The following NHSL1 variants were observed in gnomAD, a reference collection of about 807,000 sequenced individuals.
NHSL1 encodes the protein NHS-like protein 1.
A neutral mutation model predicts 95.0 loss-of-function variants in NHSL1; 48 were observed. The observed-to-expected ratio is 0.51, with a 90% CI of 0.40 to 0.64. NHSL1 has a LOEUF of 0.64. Ranked by LOEUF, NHSL1 falls within the 30% of genes least tolerant of loss-of-function variation. The probability of loss-of-function intolerance (pLI) is 0.00; values close to 1 mark genes in which losing one functional copy is unlikely to be tolerated. For synonymous variants in NHSL1, 783 were observed against 833.9 expected (o/e 0.94, Z 1.05); for missense variants, 1,971 against 2,077.7 (o/e 0.95, Z 1.00).
intron 3 of NHSL1, chr6:138,464,178 T>G: frequency 1.5e-6 from 1 of 685,240 alleles, no homozygotes; most frequent in East Asian, 3.1e-5. Context: ...CAGTTATACC[T>G]GGGCACCAGG....
chr6:138,538,769 A>G (rs1397861808), intron 1 of NHSL1, among the ~76,000 whole-genome samples: 1 of 152,232 alleles, frequency 6.6e-6, no homozygotes, highest in African/African-American at 2.4e-5. Flanking sequence ...AAGTACAAAC[A>G]TATGTTATCA....
At chr6:138,464,699 C>CT (rs146434894) in intron 3 of NHSL1, among the ~76,000 whole-genome samples, 10 of 137,290 alleles carry the variant, frequency 7.3e-5, no homozygotes, top group Admixed American at 1.5e-4. Context: ...TTTCTCTTCA[C>CT]TTTTTTTTTT....
chr6:138,591,264 T>C (rs1257197098), intron 1 of NHSL1, among the ~76,000 whole-genome samples: 1 of 152,212 alleles, frequency 6.6e-6, no homozygotes, highest in Non-Finnish European at 1.5e-5. Flanking sequence ...AGGGATAAAA[T>C]TATGAAAGTT....
Position 138,630,249 on chromosome 6 carries a change from C to T in NHSL1, c.96+62227G>A, listed in dbSNP as rs552458692. ...AAAAAAAAAAATCACACTGTGAAGC[C>T]TTGTAAACTACATACGTTGATTATT... On this transcript the variant is annotated intron_variant, in intron 1 of 3. Transcript: ENST00000491526. Among the ~76,000 whole-genome samples the T allele has an allele frequency of 2.6e-5, 4 of 152,138 alleles. 1 individual carries two copies. The South Asian group carries it at 8.3e-4, about 32-fold the overall frequency.
intron 1 of NHSL1, among the ~76,000 whole-genome samples, chr6:138,520,142 A>G (rs1317889080): frequency 6.6e-6 from 1 of 152,202 alleles, no homozygotes. Flanking sequence ...ATTGTTTTAA[A>G]AGAATAAAAT....
chr6:138,541,916 C>T (rs1782594736), intron 1 of NHSL1, among the ~76,000 whole-genome samples: 1 of 152,192 alleles, frequency 6.6e-6, no homozygotes, highest in Admixed American at 6.5e-5. Flanking sequence ...CCATTAAACA[C>T]ACTTCCCATG....
At chr6:138,585,218 G>A (rs1302290154) in intron 1 of NHSL1, among the ~76,000 whole-genome samples, 1 of 152,198 alleles carries the variant, frequency 6.6e-6, no homozygotes, top group Non-Finnish European at 1.5e-5. Flanking sequence ...GGTGTGTACA[G>A]GGAGCGAGAG....
At chr6:138,540,092 G>T (rs1433932021) in intron 1 of NHSL1, among the ~76,000 whole-genome samples, 1 of 152,202 alleles carries the variant, frequency 6.6e-6, no homozygotes, top group Non-Finnish European at 1.5e-5. Context: ...TATTAAAAGT[G>T]CTACTTTAAA....
intron 1 of NHSL1, chr6:138,512,426 T>G (rs2128301645): frequency 2.5e-6 from 1 of 406,970 alleles, no homozygotes; most frequent in South Asian, 1.8e-5. Flanking sequence ...ACTTCTTTGC[T>G]CAGTAACCTC....
chr6:138,447,835 T>C (rs1776963406), intron 3 of NHSL1, among the ~76,000 whole-genome samples: 1 of 152,178 alleles, frequency 6.6e-6, no homozygotes, highest in Non-Finnish European at 1.5e-5. Flanking sequence ...GAGAAAAACA[T>C]CATGGCTGTG....
chr6:138,584,652 A>G (rs574609264), intron 1 of NHSL1, among the ~76,000 whole-genome samples: 6 of 152,352 alleles, frequency 3.9e-5, no homozygotes, highest in Admixed American at 3.3e-4. Flanking sequence ...TTTGAGGTTG[A>G]AACACTTGTT....
chr6:138,464,212 G>T, intron 3 of NHSL1: 1 of 759,564 alleles, frequency 1.3e-6, no homozygotes, highest in Non-Finnish European at 2.2e-6. Context: ...AGGCTGAGAG[G>T]CTGCTGGCCG....
chr6:138,659,536 G>T (rs1444575356), intron 1 of NHSL1, among the ~76,000 whole-genome samples: 2 of 152,156 alleles, frequency 1.3e-5, no homozygotes, highest in Non-Finnish European at 2.9e-5. Flanking sequence ...GGGGTTGAAA[G>T]AATGATGCTC....
At chr6:138,494,853 G>C (rs543594470) in intron 2 of NHSL1, among the ~76,000 whole-genome samples, 32 of 152,186 alleles carry the variant, frequency 2.1e-4, no homozygotes, top group Non-Finnish European at 4.3e-4. Context: ...AAAAGTCTCT[G>C]AATTTTACAA....
intron 2 of NHSL1, among the ~76,000 whole-genome samples, chr6:138,494,886 A>T (rs189351999): frequency 2.0e-5 from 3 of 152,336 alleles, no homozygotes; most frequent in African/African-American, 7.2e-5. Flanking sequence ...TCTTTGAAGA[A>T]CTACTTTCCT....
chr6:138,475,817 G>A (rs4896362), intron 2 of NHSL1, among the ~76,000 whole-genome samples: 8,375 of 152,006 alleles, frequency 0.055, 647 homozygotes, highest in East Asian at 0.3. Flanking sequence ...ACAAAAAAAA[G>A]CCAGGCATGG....
At chr6:138,469,544 C>A (rs1204447397) in intron 3 of NHSL1, among the ~76,000 whole-genome samples, 4 of 151,962 alleles carry the variant, frequency 2.6e-5, no homozygotes, top group Non-Finnish European at 5.9e-5. Flanking sequence ...GGCAACATGG[C>A]AACACCCCAT....
At chr6:138,437,433 CACACACACACACAAAAAAAA>C (rs1221310873) in intron 5 of NHSL1, among the ~76,000 whole-genome samples, 25 of 39,260 alleles carry the variant, frequency 6.4e-4, no homozygotes, top group African/African-American at 2.5e-3. Flanking sequence ...CACACACACA[CACACACACACACAAAAAAAA>C]AAAAAAAAAA....
At chr6:138,536,722 G>A (rs1179794843) in intron 1 of NHSL1, among the ~76,000 whole-genome samples, 2 of 147,014 alleles carry the variant, frequency 1.4e-5, no homozygotes, top group Non-Finnish European at 3.0e-5. Context: ...CTATCTACCC[G>A]TCATCTAGGT....
Sources: gnomAD v4.1 joint callset for allele counts (sites outside exome capture counted in the v4.1 genomes callset) on GRCh38, gnomAD v4.1.1 for gene constraint, MANE v1.5 for transcripts, NCBI Gene and HGNC (gene_info 2026-07-23, HGNC 2026-07-21) for gene names.